Variants in UGT3A1 observed in about 807,000 individuals in gnomAD.
The protein encoded by UGT3A1 is UDP glycosyltransferase family 3 member A1, also known as UDP-glycosyltransferase 3A1.
Under a neutral mutation model 37.6 loss-of-function variants are expected in UGT3A1, and 40 were observed. The ratio of observed to expected loss-of-function variants is 1.06; its 90% CI spans 0.83 to 1.38. The LOEUF (loss-of-function observed/expected upper bound fraction) is 1.38, where lower values mean the gene tolerates loss of function less well. Ranked by LOEUF, UGT3A1 falls within the 40% of genes most tolerant of loss-of-function variation. UGT3A1 has a pLI of 0.00. For missense variants in UGT3A1, 642 were observed against 634.2 expected (o/e 1.01, Z -0.13); for synonymous variants, 256 against 232.3 (o/e 1.10, Z -0.93).
chr5:35,958,563 C>T (rs559782384), intron 4 of UGT3A1, among the ~76,000 whole-genome samples: 5 of 152,280 alleles, frequency 3.3e-5, no homozygotes, highest in East Asian at 1.9e-4. Flanking sequence ...AATCAGCAGC[C>T]GCATGCCCTT....
At chr5:35,998,653 G>C (rs1561477746) in intron 1 of UGT3A1, among the ~76,000 whole-genome samples, 1 of 152,138 alleles carries the variant, frequency 6.6e-6, no homozygotes, top group Non-Finnish European at 1.5e-5. Flanking sequence ...ACTGGATAAA[G>C]CCAAAATAGA....
At chr5:35,990,904 C>G (rs1046362223) in intron 1 of UGT3A1, 1 of 1,348,922 alleles carries the variant, frequency 7.4e-7, no homozygotes, top group African/African-American at 1.5e-5. Context: ...ACGGGGAGCG[C>G]GTCCTGAACA....
At chr5:35,962,277 A>G (rs1273361533) in intron 4 of UGT3A1, 1 of 152,422 alleles carries the variant, frequency 6.6e-6, no homozygotes. Context: ...TCATGTGAAA[A>G]CTTGCCAAAA....
chr5:35,999,236 C>CAAAAAA (rs34007699), intron 1 of UGT3A1, among the ~76,000 whole-genome samples: 3 of 103,078 alleles, frequency 2.9e-5, no homozygotes, highest in Admixed American at 1.1e-4. Flanking sequence ...GACTCCATCT[C>CAAAAAA]AAAAAAAAAA....
At chr5:35,995,991 AAC>A (rs1490047758), upstream of UGT3A1, among the ~76,000 whole-genome samples, 4 of 151,524 alleles carry the variant, frequency 2.6e-5, no homozygotes, top group African/African-American at 9.7e-5. Flanking sequence ...TGAACTAGTT[AAC>A]TTAGCTGATC....
In UGT3A1 at chr5:35,957,181, T is replaced by G. The variant is rs76149241; in HGVS notation, c.1075+7A>C. 24,618 of 1,612,808 alleles carry G rather than the reference T, an allele frequency of 0.015. 2,240 individuals are homozygous for G. In the African/African-American group the frequency reaches 0.23, roughly 15 times the overall value. ...GAAAGAGAAGAGCAGACCTAAGCAGTCCTTACCCAGGAGGTCACTCTGAGG... is the reference window on the plus strand; with the variant it reads ...GAAAGAGAAGAGCAGACCTAAGCAGGCCTTACCCAGGAGGTCACTCTGAGG... On this transcript the variant is annotated splice_region_variant and intron_variant, in intron 5 of 6. Coordinates refer to ENST00000274278, the MANE Select transcript of UGT3A1 (RefSeq NM_152404.4).
intron 4 of UGT3A1, among the ~76,000 whole-genome samples, chr5:35,958,142 G>T (rs553871819): frequency 4.6e-5 from 7 of 152,060 alleles, no homozygotes; most frequent in Non-Finnish European, 1.0e-4. Flanking sequence ...TTATAATTAT[G>T]TGAATGCAAA....
intron 2 of UGT3A1, among the ~76,000 whole-genome samples, chr5:35,979,694 T>G (rs553241610): frequency 1.3e-5 from 2 of 152,362 alleles, no homozygotes; most frequent in South Asian, 2.1e-4. Flanking sequence ...TCCACATTTT[T>G]GGGTATCTTT....
chr5:36,000,582 A>G (rs1267744112), intron 1 of UGT3A1, among the ~76,000 whole-genome samples: 2 of 152,170 alleles, frequency 1.3e-5, no homozygotes, highest in African/African-American at 4.8e-5. Flanking sequence ...CTCCCAACAA[A>G]GACCTTTACC....
intron 2 of UGT3A1, among the ~76,000 whole-genome samples, chr5:35,973,877 A>G (rs1740151094): frequency 6.6e-6 from 1 of 152,254 alleles, no homozygotes; most frequent in African/African-American, 2.4e-5. Flanking sequence ...AGCAATAATT[A>G]GAATAATCTG....
intron 4 of UGT3A1, chr5:35,962,908 G>C (rs1340300808): frequency 1.4e-6 from 1 of 703,002 alleles, no homozygotes; most frequent in East Asian, 2.7e-5. Context: ...ATACACTCCA[G>C]AGGAGAATAA....
At chr5:35,976,887 GGGAAGGAA>G (rs142548507) in intron 2 of UGT3A1, among the ~76,000 whole-genome samples, 7 of 135,400 alleles carry the variant, frequency 5.2e-5, no homozygotes, top group East Asian at 2.1e-4. Context: ...GAGAGAGGAA[GGGAAGGAA>G]GGAAGGAAGG....
intron 4 of UGT3A1, among the ~76,000 whole-genome samples, chr5:35,958,423 G>C: frequency 6.6e-6 from 1 of 152,114 alleles, no homozygotes; most frequent in East Asian, 1.9e-4. Flanking sequence ...TCATTGTGTA[G>C]GATAACTTGA....
At chr5:35,974,590 G>A (rs1489013816) in intron 2 of UGT3A1, among the ~76,000 whole-genome samples, 1 of 152,166 alleles carries the variant, frequency 6.6e-6, no homozygotes, top group Non-Finnish European at 1.5e-5. Flanking sequence ...GTGGATCTTG[G>A]AGAATGATAG....
At chr5:35,992,068 C>T (rs1347460557), upstream of UGT3A1, among the ~76,000 whole-genome samples, 1 of 152,228 alleles carries the variant, frequency 6.6e-6, no homozygotes, top group Non-Finnish European at 1.5e-5. Context: ...CACCTTTGTA[C>T]TCTCTATCCT....
rs377245175 is a variant in UGT3A1 at position 35,981,329 on chromosome 5, G to T, written c.196+7121C>A. ...AATATGAGAATGAGACAGTTCCAAG[G>T]GCCACAGAAGAGTGGCCCTTGTTGA... is the stretch of plus-strand genomic sequence containing the variant. On this transcript the variant is annotated intron_variant, in intron 2 of 6. Coordinates refer to ENST00000274278, the MANE Select transcript of UGT3A1 (RefSeq NM_152404.4). 8.5e-5 allele frequency among the ~76,000 whole-genome samples: 13 copies of T among 152,188 alleles called. 1 individual carries two copies. Among genetic ancestry groups the T allele is most frequent in the East Asian group, 3.9e-4 (2 of 5,184 alleles).
upstream of UGT3A1, among the ~76,000 whole-genome samples, chr5:35,994,782 A>C (rs1349900966): frequency 6.6e-6 from 1 of 152,190 alleles, no homozygotes; most frequent in East Asian, 1.9e-4. Flanking sequence ...GAAATCCAAA[A>C]AGGAACTCTA....
intron 4 of UGT3A1, chr5:35,962,624 G>C (rs1421100297): frequency 1.4e-5 from 6 of 435,092 alleles, no homozygotes; most frequent in Non-Finnish European, 2.5e-5. Flanking sequence ...AGATTTCCCT[G>C]CAAGGTATAA....
chr5:35,991,714 T>C, upstream of UGT3A1: 5 of 889,240 alleles, frequency 5.6e-6, no homozygotes, highest in Non-Finnish European at 6.7e-6. Context: ...CATGCCCCCA[T>C]TTTCCCCAGA....
Sources: allele counts gnomAD v4.1 joint callset (sites outside exome capture counted in the v4.1 genomes callset), GRCh38; gene constraint gnomAD v4.1.1; transcripts MANE v1.5; gene names NCBI Gene and HGNC (gene_info 2026-07-23, HGNC 2026-07-21).